The following ALK variants were observed in gnomAD, a reference collection of about 807,000 sequenced individuals.
ALK encodes the protein ALK tyrosine kinase receptor.
ALK carries 74 observed loss-of-function variants against 163.1 expected under a neutral mutation model. The ratio of observed to expected loss-of-function variants is 0.45; its 90% CI spans 0.38 to 0.55. The LOEUF is 0.55. Ranked by LOEUF, ALK falls within the 20% of genes least tolerant of loss-of-function variation. The pLI, the probability that ALK is intolerant of heterozygous loss-of-function variation, is 0.00. For synonymous variants in ALK, 960 were observed against 843.2 expected, an observed-to-expected ratio of 1.14 and a Z score of -2.40; for missense variants, 2,063 against 2,105.3, an observed-to-expected ratio of 0.98 and a Z score of 0.39.
chr2:29,655,507 G>A (rs1677160109), intron 3 of ALK, among the ~76,000 whole-genome samples: 2 of 152,150 alleles, frequency 1.3e-5, no homozygotes, highest in South Asian at 2.1e-4. Context: ...ACAACAGAGT[G>A]CATGAGGAAC....
At chr2:29,553,539 C>G (rs1352198271) in intron 3 of ALK, among the ~76,000 whole-genome samples, 1 of 152,188 alleles carries the variant, frequency 6.6e-6, no homozygotes, top group African/African-American at 2.4e-5. Flanking sequence ...ATGGAGTTAC[C>G]TGTGTCTGTC....
intron 11 of ALK, among the ~76,000 whole-genome samples, chr2:29,257,858 A>AGAC (rs1664988959): frequency 6.6e-6 from 1 of 152,194 alleles, no homozygotes; most frequent in Non-Finnish European, 1.5e-5. Flanking sequence ...TTTCTTTTTG[A>AGAC]GACATAGTCT....
chr2:29,755,275 G>T (rs923497725), intron 1 of ALK, among the ~76,000 whole-genome samples: 1 of 152,200 alleles, frequency 6.6e-6, no homozygotes, highest in African/African-American at 2.4e-5. Context: ...CCCTGCCGGT[G>T]AATGGCCCTG....
At chr2:29,806,118 C>CT (rs1019418027) in intron 1 of ALK, among the ~76,000 whole-genome samples, 5 of 152,056 alleles carry the variant, frequency 3.3e-5, no homozygotes, top group African/African-American at 7.2e-5. Context: ...GCATTGTTAT[C>CT]TTTTTTTTCA....
intron 3 of ALK, chr2:29,681,456 T>A (rs1041823764): frequency 2.6e-5 from 4 of 152,204 alleles, no homozygotes; most frequent in Admixed American, 6.5e-5. Flanking sequence ...TAGATCTGTG[T>A]ATAGGTAAGA....
At chr2:29,676,187 A>G (rs373357229) in intron 3 of ALK, among the ~76,000 whole-genome samples, 67 of 152,220 alleles carry the variant, frequency 4.4e-4, no homozygotes, top group East Asian at 2.5e-3. Flanking sequence ...TTAGAACACA[A>G]AAGTTTTAAA....
At chr2:29,791,873 T>C (rs948572684) in intron 1 of ALK, among the ~76,000 whole-genome samples, 4 of 152,178 alleles carry the variant, frequency 2.6e-5, no homozygotes, top group African/African-American at 9.7e-5. Context: ...AAACATTGCA[T>C]TTCAGGATTT....
intron 1 of ALK, among the ~76,000 whole-genome samples, chr2:29,906,804 T>C (rs1447298147): frequency 6.6e-6 from 1 of 152,202 alleles, no homozygotes; most frequent in Admixed American, 6.5e-5. Flanking sequence ...TGGTAGCTGT[T>C]ATCATTAAAT....
chr2:29,672,565 C>T (rs1342098470), intron 3 of ALK, among the ~76,000 whole-genome samples: 1 of 150,620 alleles, frequency 6.6e-6, no homozygotes, highest in Non-Finnish European at 1.5e-5. Context: ...TTTTCTTAAT[C>T]CAGTCTATCA....
At chr2:29,656,376 C>T (rs1294458778) in intron 3 of ALK, among the ~76,000 whole-genome samples, 1 of 152,104 alleles carries the variant, frequency 6.6e-6, no homozygotes, top group Non-Finnish European at 1.5e-5. Flanking sequence ...ATTTCTATCC[C>T]ACAGGACACT....
intron 3 of ALK, among the ~76,000 whole-genome samples, chr2:29,599,199 A>C (rs1675307682): frequency 6.6e-6 from 1 of 152,130 alleles, no homozygotes; most frequent in Admixed American, 6.5e-5. Context: ...AAAAAAAAAA[A>C]ACACATTACA....
intron 4 of ALK, among the ~76,000 whole-genome samples, chr2:29,496,952 C>T (rs10185035): frequency 0.32 from 48,012 of 152,124 alleles, 8,087 homozygotes; most frequent in Non-Finnish European, 0.37. Context: ...CATCACATTC[C>T]GGGCACTATA....
intron 26 of ALK, among the ~76,000 whole-genome samples, chr2:29,204,495 G>T (rs1419383665): frequency 6.6e-6 from 1 of 151,238 alleles, no homozygotes; most frequent in Non-Finnish European, 1.5e-5. Context: ...TTAGACTGTG[G>T]TTACGGGATG....
chr2:29,337,092 C>T (rs7584859), intron 5 of ALK, among the ~76,000 whole-genome samples: 3 of 152,184 alleles, frequency 2.0e-5, no homozygotes, highest in African/African-American at 7.2e-5. Context: ...AGAATGTAGT[C>T]GAGTGCACAG....
intron 3 of ALK, among the ~76,000 whole-genome samples, chr2:29,566,148 A>G (rs770520287): frequency 2.6e-5 from 4 of 152,194 alleles, no homozygotes; most frequent in Non-Finnish European, 5.9e-5. Context: ...CCCTGCCTGG[A>G]TCACTTTATG....
At chr2:29,515,141 G>A (rs891995510) in intron 4 of ALK, among the ~76,000 whole-genome samples, 2 of 152,094 alleles carry the variant, frequency 1.3e-5, no homozygotes, top group African/African-American at 2.4e-5. Context: ...CTCCCAGAAA[G>A]GGTCTTGCTA....
intron 3 of ALK, among the ~76,000 whole-genome samples, chr2:29,655,101 T>C (rs1677148547): frequency 6.6e-6 from 1 of 152,072 alleles, no homozygotes; most frequent in Admixed American, 6.6e-5. Context: ...TGTCCAAAAA[T>C]ACTAATAGGA....
chr2:29,862,963 A>G (rs1454647507), intron 1 of ALK, among the ~76,000 whole-genome samples: 1 of 152,200 alleles, frequency 6.6e-6, no homozygotes, highest in African/African-American at 2.4e-5. Context: ...AAATCCACAC[A>G]TTTCCAGTTA....
chr2:29,320,883 C>T lies in ALK; in HGVS notation c.1415-1G>A, dbSNP rs780995980. ...CAGTAAAAACCCACAGGCAGTTTCCCTATGGAGAGAGCAGAGAGGCACCAT... is the reference window on the plus strand; with the variant it reads ...CAGTAAAAACCCACAGGCAGTTTCCTTATGGAGAGAGCAGAGAGGCACCAT... On this transcript the variant is annotated splice_acceptor_variant, in intron 6 of 28. Transcript: ENST00000389048. LOFTEE classifies it high-confidence loss of function. 2 of 1,614,138 alleles carry T rather than the reference C, an allele frequency of 1.2e-6. No homozygotes were observed. Among genetic ancestry groups the T allele is most frequent in the South Asian group, 1.1e-5 (1 of 91,064 alleles).
Sources: allele counts gnomAD v4.1 joint callset (sites outside exome capture counted in the v4.1 genomes callset), GRCh38; gene constraint gnomAD v4.1.1; transcripts MANE v1.5; gene names NCBI Gene and HGNC (gene_info 2026-07-23, HGNC 2026-07-21).